P4HA1: variants seen among roughly 807,000 people sequenced by gnomAD.
The protein encoded by P4HA1 is prolyl 4-hydroxylase subunit alpha 1, also known as prolyl 4-hydroxylase subunit alpha-1.
In P4HA1, 24 loss-of-function variants were observed where a neutral mutation model predicts 72.8. The ratio of observed to expected loss-of-function variants is 0.33; its 90% CI spans 0.24 to 0.46. P4HA1 has a LOEUF of 0.46. Ranked by LOEUF, P4HA1 falls within the 20% of genes least tolerant of loss-of-function variation. The probability of loss-of-function intolerance (pLI) is 1.00; values close to 1 mark genes in which losing one functional copy is unlikely to be tolerated. For synonymous variants in P4HA1, 201 were observed against 218.8 expected, an observed-to-expected ratio of 0.92 and a Z score of 0.72; for missense variants, 446 against 640.6, an observed-to-expected ratio of 0.70 and a Z score of 3.28.
rs181583264 is a variant in P4HA1, at chr10:73,070,048, G to A, written c.326-1065C>T. ...TGGTCTCCAACTCCTGGTCTCAAACGATCCACCTGCCTTGGTCTCCCAAAG... is the reference window on the plus strand; with the variant it reads ...TGGTCTCCAACTCCTGGTCTCAAACAATCCACCTGCCTTGGTCTCCCAAAG... On this transcript the variant is annotated intron_variant, in intron 4 of 14. Transcript: ENST00000394890. Among the ~76,000 whole-genome samples the A allele has an allele frequency of 2.5e-3, 367 of 148,708 alleles. 2 individuals carry two copies. Among genetic ancestry groups the A allele is most frequent in the Middle Eastern group, 0.015 (4 of 268 alleles).
intron 1 of P4HA1, among the ~76,000 whole-genome samples, chr10:73,095,769 T>C (rs1262275432): frequency 6.6e-6 from 1 of 152,262 alleles, no homozygotes; most frequent in East Asian, 1.9e-4. Context: ...AAGAAAACAG[T>C]GCAAAATTCC....
intron 9 of P4HA1, among the ~76,000 whole-genome samples, chr10:73,031,446 C>T (rs1840430646): frequency 6.6e-6 from 1 of 152,222 alleles, no homozygotes; most frequent in South Asian, 2.1e-4. Flanking sequence ...GATCACACCA[C>T]TGCACTCCAA....
At chr10:73,054,505 C>T (rs2133102297) in intron 5 of P4HA1, among the ~76,000 whole-genome samples, 2 of 152,314 alleles carry the variant, frequency 1.3e-5, no homozygotes, top group East Asian at 3.8e-4. Context: ...TAGACAACCA[C>T]TAATCTACTT....
At chr10:73,089,995 C>T (rs1841996342) in intron 1 of P4HA1, among the ~76,000 whole-genome samples, 1 of 152,136 alleles carries the variant, frequency 6.6e-6, no homozygotes, top group African/African-American at 2.4e-5. Flanking sequence ...CAACACCACA[C>T]CTGGCTTTTT....
At chr10:73,025,059 G>C in intron 10 of P4HA1, among the ~76,000 whole-genome samples, 1 of 152,228 alleles carries the variant, frequency 6.6e-6, no homozygotes, top group East Asian at 1.9e-4. Flanking sequence ...GAGGTACTAA[G>C]AGGAGCTGGT....
At chr10:73,047,549 C>CAAA (rs1167975608) in intron 7 of P4HA1, among the ~76,000 whole-genome samples, 32 of 59,068 alleles carry the variant, frequency 5.4e-4, no homozygotes, top group Non-Finnish European at 9.2e-4. Context: ...ATGCTTGTGG[C>CAAA]AAAAAAAAAA....
At chr10:73,063,644 T>A (rs376150120) in intron 5 of P4HA1, among the ~76,000 whole-genome samples, 1 of 152,328 alleles carries the variant, frequency 6.6e-6, no homozygotes, top group East Asian at 1.9e-4. Context: ...CTTAGGGACA[T>A]GCAAAACACA....
At chr10:73,073,704 G>A (rs201564395) in intron 3 of P4HA1, 27 bp downstream of exon 3, 12 of 1,008,048 alleles carry the variant, frequency 1.2e-5, no homozygotes, top group South Asian at 1.1e-4. Flanking sequence ...TTGAGTCAGA[G>A]TCATAATAAG....
intron 4 of P4HA1, among the ~76,000 whole-genome samples, chr10:73,070,397 T>C (rs772155499): frequency 3.9e-5 from 6 of 152,026 alleles, no homozygotes; most frequent in Admixed American, 2.6e-4. Context: ...CCTCAAGTGA[T>C]CTGCCAGCCT....
intron 9 of P4HA1, among the ~76,000 whole-genome samples, chr10:73,041,562 A>T (rs1490669057): frequency 6.6e-6 from 1 of 151,766 alleles, no homozygotes; most frequent in Non-Finnish European, 1.5e-5. Context: ...AAAAAAAAAA[A>T]AGAATTCTCT....
chr10:73,068,001 T>C lies in P4HA1; in HGVS notation c.463+845A>G, dbSNP rs565838837. Reference sequence around the variant, plus strand: ...ACCAATTTTAAAAATAAGGTTATAATCTTATCAAAAGCGTTATAATGTATA... The same window carrying C: ...ACCAATTTTAAAAATAAGGTTATAACCTTATCAAAAGCGTTATAATGTATA... On this transcript the variant is annotated intron_variant, in intron 5 of 14. Transcript: ENST00000394890. 5.3e-5 allele frequency among the ~76,000 whole-genome samples: 8 copies of C among 152,308 alleles called. No individual in the cohort carries two copies. In the South Asian group the frequency reaches 1.5e-3, roughly 28 times the overall value.
At chr10:73,027,015 T>A (rs904174820) in intron 10 of P4HA1, among the ~76,000 whole-genome samples, 4 of 152,202 alleles carry the variant, frequency 2.6e-5, no homozygotes, top group African/African-American at 9.7e-5. Context: ...GTAAATTAGT[T>A]CAGCCATTGT....
rs561662636 is a variant in P4HA1, at chr10:73,067,269, C to G, written c.463+1577G>C. ...CTACTCTAATAAGTAGCTTGATAAT[C>G]TATCCACTACCACCTCTTACTTAAA... On this transcript the variant is annotated intron_variant, in intron 5 of 14. Coordinates refer to ENST00000394890, the MANE Select transcript of P4HA1 (RefSeq NM_001017962.3). 1.2e-3 allele frequency among the ~76,000 whole-genome samples: 177 copies of G among 152,314 alleles called. 3 individuals carry two copies. In the South Asian group the frequency reaches 0.036, roughly 31 times the overall value.
At chr10:73,040,398 G>A (rs1364534612) in intron 9 of P4HA1, among the ~76,000 whole-genome samples, 1 of 151,356 alleles carries the variant, frequency 6.6e-6, no homozygotes, top group African/African-American at 2.4e-5. Flanking sequence ...CTGTGGGCTG[G>A]ATATTTCTTC....
chr10:73,030,190 C>T, intron 10 of P4HA1, 81 bp downstream of exon 10: 1 of 584,020 alleles, frequency 1.7e-6, no homozygotes, highest in Non-Finnish European at 2.9e-6. Context: ...AAATTGAGGA[C>T]TGCCTGTTCA....
chr10:73,051,897 CTACT>C (rs1268777910), intron 6 of P4HA1, among the ~76,000 whole-genome samples: 2 of 152,066 alleles, frequency 1.3e-5, no homozygotes, highest in Non-Finnish European at 2.9e-5. Flanking sequence ...CTTACTCATC[CTACT>C]TATTTTAAGA....
intron 12 of P4HA1, among the ~76,000 whole-genome samples, chr10:73,013,770 T>C (rs1365747603): frequency 1.3e-5 from 2 of 152,188 alleles, no homozygotes; most frequent in Non-Finnish European, 2.9e-5. Flanking sequence ...TTTCTTCATC[T>C]TAGTACTGAA....
chr10:73,057,370 G>C (rs967590402), intron 5 of P4HA1, among the ~76,000 whole-genome samples: 1 of 151,898 alleles, frequency 6.6e-6, no homozygotes, highest in Non-Finnish European at 1.5e-5. Flanking sequence ...GGTGCTTGTA[G>C]TCCCAGCTAC....
At position 73,020,744 on chromosome 10, in the gene P4HA1, G is replaced by A. The variant is rs75218640; in HGVS notation, c.1249-3845C>T. 7.7e-3 allele frequency among the ~76,000 whole-genome samples: 1,180 copies of A among 152,258 alleles called. 43 individuals are homozygous for A. The highest frequency in any genetic ancestry group is 0.047 in the East Asian group (243 of 5,178). On this transcript the variant is annotated intron_variant, in intron 10 of 14. Coordinates refer to ENST00000394890, the MANE Select transcript of P4HA1 (RefSeq NM_001017962.3). Reference sequence around the variant, plus strand: ...CTATAATCAATTAGGCTTTATTTGTGGGGTGCAAGGTTGGTTCAATAAATG... The same window carrying A: ...CTATAATCAATTAGGCTTTATTTGTAGGGTGCAAGGTTGGTTCAATAAATG...
Sources: gnomAD v4.1 joint callset for allele counts (sites outside exome capture counted in the v4.1 genomes callset) on GRCh38, gnomAD v4.1.1 for gene constraint, MANE v1.5 for transcripts, NCBI Gene and HGNC (gene_info 2026-07-23, HGNC 2026-07-21) for gene names.